GMDS: variants seen among roughly 807,000 people sequenced by gnomAD.
GMDS encodes GDP-mannose 4,6-dehydratase, also known as GDP-mannose 4,6 dehydratase.
GMDS carries 20 observed loss-of-function variants against 49.9 expected under a neutral mutation model. The ratio of observed to expected loss-of-function variants is 0.40; its 90% CI spans 0.28 to 0.58. The LOEUF is 0.58. GMDS is among the 20% of genes least tolerant of loss of function. The probability of loss-of-function intolerance (pLI) is 0.42; values close to 1 mark genes in which losing one functional copy is unlikely to be tolerated. For synonymous variants in GMDS, 177 were observed against 178.6 expected, an observed-to-expected ratio of 0.99 and a Z score of 0.07; for missense variants, 362 against 481.4, an observed-to-expected ratio of 0.75 and a Z score of 2.32.
chr6:2,107,872 TACTC>T (rs1774329673), intron 4 of GMDS, among the ~76,000 whole-genome samples: 1 of 152,252 alleles, frequency 6.6e-6, no homozygotes, highest in South Asian at 2.1e-4. Context: ...GCTTTCAAAG[TACTC>T]ACTGCTCTTT....
At chr6:2,174,551 TTTG>T (rs972419657) in intron 1 of GMDS, among the ~76,000 whole-genome samples, 4 of 151,062 alleles carry the variant, frequency 2.6e-5, no homozygotes, top group Non-Finnish European at 5.9e-5. Flanking sequence ...CCTAGTTTTT[TTTG>T]TTTTGTTTTG....
At chr6:1,862,614 G>A (rs1200711890) in intron 7 of GMDS, among the ~76,000 whole-genome samples, 2 of 152,238 alleles carry the variant, frequency 1.3e-5, no homozygotes, top group Non-Finnish European at 2.9e-5. Context: ...AGCTTGTACT[G>A]ATTAGTCTTT....
chr6:1,683,391 G>T (rs973456163), intron 9 of GMDS, among the ~76,000 whole-genome samples: 5 of 152,194 alleles, frequency 3.3e-5, no homozygotes, highest in Admixed American at 3.3e-4. Context: ...CCAAAGTGCT[G>T]GGATTACAGG....
chr6:1,819,182 T>G (rs1202226419), intron 7 of GMDS, among the ~76,000 whole-genome samples: 1 of 152,116 alleles, frequency 6.6e-6, no homozygotes, highest in African/African-American at 2.4e-5. Flanking sequence ...AGACTCATCA[T>G]AGTAACTTAG....
chr6:1,686,370 A>C (rs1459305852), intron 9 of GMDS, among the ~76,000 whole-genome samples: 4 of 152,238 alleles, frequency 2.6e-5, no homozygotes, highest in African/African-American at 9.6e-5. Context: ...TGGCTACATA[A>C]TTAAAATGGT....
chr6:1,880,299 A>G (rs1759302691), intron 7 of GMDS, among the ~76,000 whole-genome samples: 1 of 150,790 alleles, frequency 6.6e-6, no homozygotes, highest in Non-Finnish European at 1.5e-5. Context: ...AAAAAAAAAA[A>G]AAAAAAAAAA....
chr6:2,003,456 A>T (rs6924458), intron 4 of GMDS, among the ~76,000 whole-genome samples: 66,434 of 151,902 alleles, frequency 0.44, 14,733 homozygotes, highest in African/African-American at 0.5. Context: ...TAAACCATAA[A>T]TTTAGCAAGC....
chr6:1,887,485 G>A (rs1759665113), intron 7 of GMDS, among the ~76,000 whole-genome samples: 1 of 152,146 alleles, frequency 6.6e-6, no homozygotes, highest in Admixed American at 6.5e-5. Flanking sequence ...AGCTATGAAG[G>A]TGAGAATGAG....
chr6:2,081,211 AAAAAC>A (rs892060356), intron 4 of GMDS, among the ~76,000 whole-genome samples: 16 of 152,188 alleles, frequency 1.1e-4, no homozygotes, highest in Non-Finnish European at 1.9e-4. Flanking sequence ...TGGTGGAAAA[AAAAAC>A]AAAACAAAAC....
intron 1 of GMDS, among the ~76,000 whole-genome samples, chr6:2,164,776 A>C (rs1188409717): frequency 6.6e-6 from 1 of 152,194 alleles, no homozygotes; most frequent in Non-Finnish European, 1.5e-5. Flanking sequence ...AATACAACTT[A>C]AGGTTCTCCT....
intron 4 of GMDS, among the ~76,000 whole-genome samples, chr6:1,991,420 A>G (rs1193639416): frequency 6.6e-6 from 1 of 152,140 alleles, no homozygotes; most frequent in Non-Finnish European, 1.5e-5. Context: ...CAAACACCTT[A>G]GAAAGAACAG....
At chr6:1,807,650 G>T (rs1476690285) in intron 7 of GMDS, among the ~76,000 whole-genome samples, 2 of 152,174 alleles carry the variant, frequency 1.3e-5, no homozygotes, top group African/African-American at 4.8e-5. Context: ...ATTCAGTGGG[G>T]CCAAGGGAGG....
intron 6 of GMDS, among the ~76,000 whole-genome samples, chr6:1,932,815 G>C (rs570572468): frequency 6.6e-6 from 1 of 152,316 alleles, no homozygotes; most frequent in African/African-American, 2.4e-5. Flanking sequence ...TGGGATTACA[G>C]GCATGAGCCA....
rs532811672 is a variant in GMDS, at chr6:1,991,798, C to T, written c.346-30832G>A. ...TCTCATTTGTAATTAGAGTACCTGCCGATGTAATTTGATAAGATGAAGTCA... is the reference window on the plus strand; with the variant it reads ...TCTCATTTGTAATTAGAGTACCTGCTGATGTAATTTGATAAGATGAAGTCA... On this transcript the variant is annotated intron_variant, in intron 4 of 10. Transcript: ENST00000380815. 3.3e-5 allele frequency among the ~76,000 whole-genome samples: 5 copies of T among 152,232 alleles called. No individual in the cohort carries two copies. In the East Asian group the frequency reaches 5.8e-4, roughly 18 times the overall value.
intron 6 of GMDS, among the ~76,000 whole-genome samples, chr6:1,944,217 T>G (rs1762951065): frequency 6.6e-6 from 1 of 152,188 alleles, no homozygotes; most frequent in Non-Finnish European, 1.5e-5. Flanking sequence ...TCCTAAAATT[T>G]CACACTCAGC....
At chr6:1,922,097 C>G (rs1360588717) in intron 7 of GMDS, among the ~76,000 whole-genome samples, 1 of 152,202 alleles carries the variant, frequency 6.6e-6, no homozygotes, top group Non-Finnish European at 1.5e-5. Context: ...ACCTAACAAA[C>G]AGTCACTTGA....
chr6:1,683,145 T>A (rs1042625313), intron 9 of GMDS, among the ~76,000 whole-genome samples: 5 of 151,994 alleles, frequency 3.3e-5, no homozygotes, highest in Admixed American at 3.3e-4. Context: ...GTTTTTTGAG[T>A]CAGAGTCTTG....
intron 4 of GMDS, among the ~76,000 whole-genome samples, chr6:2,080,467 A>AG (rs1381645637): frequency 6.6e-6 from 1 of 152,142 alleles, no homozygotes; most frequent in Non-Finnish European, 1.5e-5. Context: ...TTACTTTAAC[A>AG]GGGGAGGGCA....
chr6:2,062,679 A>T (rs1024810160), intron 4 of GMDS, among the ~76,000 whole-genome samples: 2 of 152,212 alleles, frequency 1.3e-5, no homozygotes, highest in African/African-American at 4.8e-5. Flanking sequence ...TTCTTTGTTG[A>T]TCCAAACCAC....
Sources: allele counts gnomAD v4.1 joint callset (sites outside exome capture counted in the v4.1 genomes callset), GRCh38; gene constraint gnomAD v4.1.1; transcripts MANE v1.5; gene names NCBI Gene and HGNC (gene_info 2026-07-23, HGNC 2026-07-21).